GPR157: variants seen among roughly 807,000 people sequenced by gnomAD.
GPR157 encodes G-protein coupled receptor 157.
In GPR157, 16 loss-of-function variants were observed where a neutral mutation model predicts 23.5. The observed-to-expected ratio is 0.68, with a 90% CI of 0.46 to 1.04. GPR157 has a LOEUF of 1.04. GPR157 is among the 50% of genes least tolerant of loss of function. The probability of loss-of-function intolerance (pLI) is 0.00; values close to 1 mark genes in which losing one functional copy is unlikely to be tolerated. For missense variants in GPR157, 440 were observed against 460.7 expected (o/e 0.96, Z 0.41); for synonymous variants, 200 against 221.5 (o/e 0.90, Z 0.86).
At position 9,128,859 on chromosome 1, in the gene GPR157, C is replaced by A. The variant is rs1232934935; in HGVS notation, c.169G>T (p.Asp57Tyr). The A allele has an allele frequency of 1.9e-6, 3 of 1,584,676 alleles. No individual in the cohort carries two copies. The highest frequency in any genetic ancestry group is 2.6e-6 in the Non-Finnish European group (3 of 1,166,454). ...AAGTAGGAGGCGGCCGAGAGCAGGT[C>A]GGCCAGCGACAGGAAGAGCAGCAGG... Reference protein sequence around the residue: ...RRLLLFLSLADLLSAASYFYG... With the variant: ...RRLLLFLSLAYLLSAASYFYG... Residue 57 changes from aspartate (D) to tyrosine (Y), a missense_variant, in exon 1 of 4, where the codon GAC becomes TAC. Physicochemically the swap from Asp to Tyr is radical, Grantham distance 160 (BLOSUM62 -3). Coordinates refer to ENST00000377411, the MANE Select transcript of GPR157 (RefSeq NM_024980.5). The surrounding 1 kb of genome is among the most constrained non-coding windows in gnomAD (Gnocchi z 6.3).
In GPR157 at chr1:9,123,290, T is replaced by TA. The variant is rs1491371153; in HGVS notation, c.383+5354dup. 9.5e-4 allele frequency among the ~76,000 whole-genome samples: 23 copies of TA among 24,322 alleles called. 1 individual carries two copies. The highest frequency in any genetic ancestry group is 7.5e-4 in the African/African-American group (6 of 8,048). The allele number at this position is 24,322 out of a possible 152,430, so 16.0% of individuals were successfully genotyped here. ...TATATATTTAAATATATATTTAAAT[T>TA]AATATATATTTAATTTAAATATATA... On this transcript the variant is annotated intron_variant, in intron 1 of 3. Transcript: ENST00000377411.
intron 1 of GPR157, among the ~76,000 whole-genome samples, chr1:9,126,201 G>A (rs576918801): frequency 1.4e-4 from 22 of 152,190 alleles, no homozygotes; most frequent in Non-Finnish European, 2.6e-4. Flanking sequence ...CAAGTGATCC[G>A]CCCACCTTGG....
intron 1 of GPR157, among the ~76,000 whole-genome samples, chr1:9,115,797 A>G (rs1638621845): frequency 6.6e-6 from 1 of 151,644 alleles, no homozygotes; most frequent in African/African-American, 2.4e-5. Flanking sequence ...TCAGGGGTCC[A>G]GCAAACTGTG....
intron 1 of GPR157, among the ~76,000 whole-genome samples, chr1:9,119,880 G>A (rs1001965824): frequency 5.3e-5 from 8 of 152,198 alleles, no homozygotes; most frequent in Admixed American, 3.3e-4. Context: ...AACCATCTGC[G>A]AGACCTGAAT....
intron 1 of GPR157, among the ~76,000 whole-genome samples, chr1:9,116,307 T>TATATA (rs1638666261): frequency 8.0e-5 from 1 of 12,472 alleles, no homozygotes; most frequent in African/African-American, 7.2e-4. Context: ...ATATATATTA[T>TATATA]ATTATATATA....
chr1:9,125,464 G>A (rs1292652503), intron 1 of GPR157, among the ~76,000 whole-genome samples: 2 of 152,124 alleles, frequency 1.3e-5, no homozygotes, highest in Non-Finnish European at 2.9e-5. Context: ...ATGCTGAAAT[G>A]TGATTTCCTG....
chr1:9,113,990 C>T (rs1487691820), intron 1 of GPR157, among the ~76,000 whole-genome samples: 3 of 147,178 alleles, frequency 2.0e-5, no homozygotes, highest in Non-Finnish European at 4.4e-5. Context: ...CACACACACA[C>T]ACACACACAC....
intron 1 of GPR157, among the ~76,000 whole-genome samples, chr1:9,126,649 AGTCCTTAGTAAG>A (rs1216967389): frequency 1.3e-5 from 2 of 152,204 alleles, no homozygotes; most frequent in Non-Finnish European, 2.9e-5. Flanking sequence ...TACACTGGAG[AGTCCTTAGTAAG>A]GTCATTGGCA....
chr1:9,104,308 G>A lies in GPR157; in HGVS notation c.*111C>T, dbSNP rs1336369090. The A allele has an allele frequency of 7.9e-6, 6 of 755,906 alleles. No individual in the cohort carries two copies. The highest frequency in any genetic ancestry group is 1.8e-5 in the African/African-American group (1 of 56,838). 46.8% of individuals were successfully genotyped at this position (755,906 alleles called of 1,614,324 possible). A position where few individuals can be genotyped will look rare whatever the true frequency, so the allele number is the denominator to read the frequency against. On this transcript the variant is annotated 3_prime_UTR_variant, in exon 4 of 4. Transcript: ENST00000377411. ...CAATGGAGCCGAGAGCATCAATAGC[G>A]GGGGCTTCTGGTGCAGCAGACATGC...
At chr1:9,110,415 C>T (rs1638458875) in intron 2 of GPR157, among the ~76,000 whole-genome samples, 1 of 152,092 alleles carries the variant, frequency 6.6e-6, no homozygotes, top group Non-Finnish European at 1.5e-5. Context: ...CCCAGCTACT[C>T]GGGAGACTGA....
chr1:9,115,720 G>A (rs1638620441), intron 1 of GPR157, among the ~76,000 whole-genome samples: 1 of 151,942 alleles, frequency 6.6e-6, no homozygotes, highest in Non-Finnish European at 1.5e-5. Flanking sequence ...CTTAAGCTCA[G>A]AGATAAGTAA....
chr1:9,116,246 A>AT (rs1303927266), intron 1 of GPR157, among the ~76,000 whole-genome samples: 2 of 336 alleles, frequency 6.0e-3, no homozygotes. Flanking sequence ...TATATATATA[A>AT]TTATATATAT....
At chr1:9,110,053 T>C (rs1455882600) in intron 2 of GPR157, among the ~76,000 whole-genome samples, 2 of 152,146 alleles carry the variant, frequency 1.3e-5, no homozygotes, top group African/African-American at 4.8e-5. Context: ...GAAGTCTAAA[T>C]TCAGAGCATT....
At position 9,105,007 on chromosome 1, in the gene GPR157, C is replaced by CG. The variant is rs1386158113; in HGVS notation, c.793-374_793-373insC. 1.7e-4 allele frequency among the ~76,000 whole-genome samples: 25 copies of CG among 145,562 alleles called. 2 individuals are homozygous for CG. The highest frequency in any genetic ancestry group is 1.5e-5 in the Non-Finnish European group (1 of 65,980). ...AAAGCCAGACTCTGTCCCCGCACCC[C>CG]CCCCCAAAAAAGAGAAATGGCTGAG... On this transcript the variant is annotated intron_variant, in intron 3 of 3. Coordinates refer to ENST00000377411, the MANE Select transcript of GPR157 (RefSeq NM_024980.5). This position sits in a 1 kb window ranked among gnomAD's most constrained non-coding sequence, Gnocchi z 4.8.
chr1:9,110,988 C>T (rs1638475489), intron 2 of GPR157, among the ~76,000 whole-genome samples: 1 of 152,224 alleles, frequency 6.6e-6, no homozygotes, highest in Admixed American at 6.5e-5. Flanking sequence ...TCTGCAGCAG[C>T]CCTGTGCCCC....
At chr1:9,126,334 A>G (rs1401842443) in intron 1 of GPR157, among the ~76,000 whole-genome samples, 2 of 152,184 alleles carry the variant, frequency 1.3e-5, no homozygotes, top group Non-Finnish European at 2.9e-5. Context: ...TGCTTTGCAT[A>G]TTAATGGTAT....
intron 1 of GPR157, among the ~76,000 whole-genome samples, chr1:9,111,697 T>C (rs1043077675): frequency 1.3e-5 from 2 of 152,204 alleles, no homozygotes; most frequent in South Asian, 2.1e-4. Flanking sequence ...GGCATTAGAA[T>C]GGAGTGACGT....
intron 2 of GPR157, among the ~76,000 whole-genome samples, chr1:9,106,167 C>T (rs1426755101): frequency 1.3e-5 from 2 of 152,184 alleles, no homozygotes; most frequent in East Asian, 3.9e-4. Flanking sequence ...TCTCAAAGTG[C>T]TGGGATTACA....
rs1199678574 is a variant in GPR157 at position 9,128,253 on chromosome 1, G to A, written c.383+392C>T. The A allele has an allele frequency of 4.0e-6, 2 of 494,210 alleles. No individual in the cohort carries two copies. The highest frequency in any genetic ancestry group is 4.6e-5 in the Admixed American group (2 of 43,496). 30.6% of individuals were successfully genotyped at this position (494,210 alleles called of 1,614,324 possible). A position where few individuals can be genotyped will look rare whatever the true frequency, so the allele number is the denominator to read the frequency against. Reference sequence around the variant, plus strand: ...GGGACTGGCAGTTGCCGGCTCTCCAGCCCGGGACAGTTACCTAACTCGTCT... The same window carrying A: ...GGGACTGGCAGTTGCCGGCTCTCCAACCCGGGACAGTTACCTAACTCGTCT... On this transcript the variant is annotated intron_variant, in intron 1 of 3. Transcript: ENST00000377411. This position sits in a 1 kb window ranked among gnomAD's most constrained non-coding sequence, Gnocchi z 6.3.
Sources: gnomAD v4.1 joint callset for allele counts (sites outside exome capture counted in the v4.1 genomes callset) on GRCh38, gnomAD v4.1.1 for gene constraint, Gnocchi (gnomAD v3.1) non-coding constraint, MANE v1.5 for transcripts, NCBI Gene and HGNC (gene_info 2026-07-23, HGNC 2026-07-21) for gene names.